Variants in CTNND2 observed in about 807,000 individuals in gnomAD.
CTNND2 encodes catenin delta 2.
Under a neutral mutation model 144.4 loss-of-function variants are expected in CTNND2, and 22 were observed. The observed-to-expected ratio is 0.15, with a 90% confidence interval of 0.11 to 0.22. CTNND2 has a LOEUF of 0.22. Ranked by LOEUF, CTNND2 falls within the 10% of genes least tolerant of loss-of-function variation. The probability of loss-of-function intolerance (pLI) is 1.00; values close to 1 mark genes in which losing one functional copy is unlikely to be tolerated. For synonymous variants in CTNND2, 751 were observed against 695.6 expected (o/e 1.08, Z -1.25); for missense variants, 1,353 against 1,618.8 (o/e 0.84, Z 2.82).
chr5:11,037,021 C>T lies in CTNND2; in HGVS notation c.2789-14042G>A, dbSNP rs191070457. Among the ~76,000 whole-genome samples the T allele has an allele frequency of 6.0e-4, 91 of 152,262 alleles. 1 individual carries two copies. The highest frequency in any genetic ancestry group is 2.1e-3 in the African/African-American group (88 of 41,536). On this transcript the variant is annotated intron_variant, in intron 16 of 21. Coordinates refer to ENST00000304623, the MANE Select transcript of CTNND2 (RefSeq NM_001332.4). ...CCTTTTCATTGTGGAGAGAGGCACACTCTCCTTCATGTTAAAGAATGGCAC... is the reference window on the plus strand; with the variant it reads ...CCTTTTCATTGTGGAGAGAGGCACATTCTCCTTCATGTTAAAGAATGGCAC...
At chr5:11,289,389 T>C (rs1380234733) in intron 9 of CTNND2, among the ~76,000 whole-genome samples, 1 of 152,228 alleles carries the variant, frequency 6.6e-6, no homozygotes, top group Non-Finnish European at 1.5e-5. Context: ...CATTCTATGC[T>C]TTTTAACTAG....
chr5:11,761,367 A>C (rs2126805604), intron 1 of CTNND2, among the ~76,000 whole-genome samples: 1 of 152,328 alleles, frequency 6.6e-6, no homozygotes, highest in East Asian at 1.9e-4. Context: ...ATTGAGAAAA[A>C]AAGTCTCTCA....
intron 9 of CTNND2, among the ~76,000 whole-genome samples, chr5:11,277,990 G>A (rs913947595): frequency 1.3e-5 from 2 of 152,080 alleles, no homozygotes; most frequent in South Asian, 2.1e-4. Context: ...TTTCTGTACC[G>A]CACAGTAGTT....
chr5:11,232,930 TAGTG>T (rs777856918), intron 10 of CTNND2, among the ~76,000 whole-genome samples: 1 of 152,198 alleles, frequency 6.6e-6, no homozygotes, highest in Non-Finnish European at 1.5e-5. Flanking sequence ...GTTCTCATGA[TAGTG>T]AGTGAGTTCT....
At chr5:11,184,116 G>T (rs4702791) in intron 11 of CTNND2, among the ~76,000 whole-genome samples, 1 of 152,052 alleles carries the variant, frequency 6.6e-6, no homozygotes, top group Non-Finnish European at 1.5e-5. Flanking sequence ...TCAGTATCTC[G>T]CAGTCTTAGA....
At chr5:11,180,662 G>A (rs1450983130) in intron 11 of CTNND2, among the ~76,000 whole-genome samples, 1 of 152,180 alleles carries the variant, frequency 6.6e-6, no homozygotes, top group Non-Finnish European at 1.5e-5. Context: ...TTATCCTGCT[G>A]GGGACAGGGT....
chr5:11,886,421 G>A (rs552141965), intron 1 of CTNND2, among the ~76,000 whole-genome samples: 102 of 152,182 alleles, frequency 6.7e-4, no homozygotes, highest in African/African-American at 2.4e-3. Context: ...ATAACTGTAT[G>A]CCAAAAAAAT....
intron 3 of CTNND2, among the ~76,000 whole-genome samples, chr5:11,526,640 T>G (rs1441195097): frequency 1.3e-5 from 2 of 152,180 alleles, no homozygotes; most frequent in African/African-American, 2.4e-5. Flanking sequence ...CACTTAATCC[T>G]CAGAATACCC....
chr5:11,416,413 C>T (rs1761940896), intron 3 of CTNND2, among the ~76,000 whole-genome samples: 1 of 152,170 alleles, frequency 6.6e-6, no homozygotes, highest in Admixed American at 6.5e-5. Flanking sequence ...TCCCTGATTT[C>T]TTTGGCACAG....
At chr5:11,005,167 G>T (rs982867446) in intron 18 of CTNND2, among the ~76,000 whole-genome samples, 3 of 152,228 alleles carry the variant, frequency 2.0e-5, no homozygotes, top group Non-Finnish European at 4.4e-5. Flanking sequence ...AGGCATTCCT[G>T]GGGGAGGAAT....
chr5:11,764,185 G>A (rs576671592), intron 1 of CTNND2, among the ~76,000 whole-genome samples: 7 of 152,198 alleles, frequency 4.6e-5, no homozygotes, highest in East Asian at 1.9e-4. Flanking sequence ...AAGGGTCCAC[G>A]AGCCAAGGAA....
chr5:11,428,993 AT>A (rs1364641689), intron 3 of CTNND2, among the ~76,000 whole-genome samples: 1 of 152,204 alleles, frequency 6.6e-6, no homozygotes, highest in Non-Finnish European at 1.5e-5. Flanking sequence ...ATATTTTTAT[AT>A]CTCTAAATTT....
At chr5:11,269,372 C>T (rs777986501) in intron 9 of CTNND2, among the ~76,000 whole-genome samples, 12 of 152,128 alleles carry the variant, frequency 7.9e-5, no homozygotes, top group Admixed American at 3.3e-4. Flanking sequence ...AATCTATTCT[C>T]GTTTATTATA....
intron 2 of CTNND2, among the ~76,000 whole-genome samples, chr5:11,655,290 C>A (rs1347389826): frequency 6.6e-6 from 1 of 151,638 alleles, no homozygotes; most frequent in African/African-American, 2.4e-5. Context: ...TAATATTTAA[C>A]CTGTTAAGGA....
At chr5:11,129,209 T>TTATATATTATATATAAA (rs1561353171) in intron 12 of CTNND2, among the ~76,000 whole-genome samples, 3 of 27,478 alleles carry the variant, frequency 1.1e-4, no homozygotes, top group African/African-American at 3.2e-4. Context: ...TATTATATAT[T>TTATATATTATATATAAA]TATATATTAT....
At chr5:11,671,154 C>G (rs1015087829) in intron 2 of CTNND2, among the ~76,000 whole-genome samples, 1 of 152,216 alleles carries the variant, frequency 6.6e-6, no homozygotes, top group Admixed American at 6.5e-5. Flanking sequence ...CGCTGTTAGT[C>G]TGATGGGCAT....
At chr5:11,150,918 G>A (rs1032370420) in intron 12 of CTNND2, among the ~76,000 whole-genome samples, 7 of 152,146 alleles carry the variant, frequency 4.6e-5, no homozygotes, top group Non-Finnish European at 1.0e-4. Flanking sequence ...GAGCCACCGC[G>A]TCCAGCCTGA....
At chr5:11,005,218 C>G (rs1740356077) in intron 18 of CTNND2, among the ~76,000 whole-genome samples, 1 of 152,210 alleles carries the variant, frequency 6.6e-6, no homozygotes, top group African/African-American at 2.4e-5. Context: ...GAGGTGGAAA[C>G]TGCTTTGTAC....
At chr5:11,462,473 G>A (rs1381378404) in intron 3 of CTNND2, among the ~76,000 whole-genome samples, 1 of 152,074 alleles carries the variant, frequency 6.6e-6, no homozygotes, top group Non-Finnish European at 1.5e-5. Context: ...CAGCAGAGAG[G>A]AGTCCGATAG....
Sources: gnomAD v4.1 joint callset for allele counts (sites outside exome capture counted in the v4.1 genomes callset) on GRCh38, gnomAD v4.1.1 for gene constraint, MANE v1.5 for transcripts, NCBI Gene and HGNC (gene_info 2026-07-23, HGNC 2026-07-21) for gene names.